Variants in RBM12 observed in about 807,000 individuals in gnomAD.
The protein encoded by RBM12 is RNA binding motif protein 12.
In RBM12, 24 loss-of-function variants were observed where a neutral mutation model predicts 37.2. The ratio of observed to expected loss-of-function variants is 0.65; its 90% CI spans 0.47 to 0.91. RBM12 has a LOEUF of 0.91. Among genes scored for constraint, RBM12 ranks in the 40% least tolerant of loss-of-function variants. RBM12 has a pLI of 0.00. For synonymous variants in RBM12, 420 were observed against 425.2 expected (o/e 0.99, Z 0.15); for missense variants, 1,061 against 1,183.2 (o/e 0.90, Z 1.52).
At position 35,655,079 on chromosome 20, in the gene RBM12, T is replaced by C. The variant is rs1568939650; in HGVS notation, c.244A>G (p.Met82Val). ...LLSSKTEMQN[M>V]IELSRRRFET... ...AAACGCCTACGACTCAGTTCAATCATATTCTGCATTTCCGTCTTACTACTC... is the reference window on the plus strand; with the variant it reads ...AAACGCCTACGACTCAGTTCAATCACATTCTGCATTTCCGTCTTACTACTC... Residue 82 changes from methionine (M) to valine (V), a missense_variant, in exon 3 of 3, where the codon ATG becomes GTG. This residue lies in a region of RBM12 where 540 missense variants were observed against 632.7 expected (regional missense o/e 0.85). Coordinates refer to ENST00000374114, the MANE Select transcript of RBM12 (RefSeq NM_006047.6). The C allele has an allele frequency of 1.9e-6, 3 of 1,614,214 alleles. No homozygotes were observed. The highest frequency in any genetic ancestry group is 2.5e-6 in the Non-Finnish European group (3 of 1,180,050).
Position 35,652,124 on chromosome 20 carries a change from TGA to T in RBM12, c.*398_*399del, listed in dbSNP as rs571353088. On this transcript the variant is annotated 3_prime_UTR_variant, in exon 3 of 3. Transcript: ENST00000374114. ...ATCTGTCCAGCTTTAAACCAAATTCTGAGAGTAGCCAACTTCTATTTTCAGCA... is the reference window on the plus strand; with the variant it reads ...ATCTGTCCAGCTTTAAACCAAATTCTGAGTAGCCAACTTCTATTTTCAGCA... 6.2e-6 allele frequency: 1 copy of T among 160,966 alleles called. No homozygotes were observed. Among genetic ancestry groups the T allele is most frequent in the Non-Finnish European group, 1.4e-5 (1 of 73,774 alleles). 10.0% of individuals were successfully genotyped at this position (160,966 alleles called of 1,614,324 possible). A position where few individuals can be genotyped will look rare whatever the true frequency, so the allele number is the denominator to read the frequency against.
rs1365845597 is a variant in RBM12 at position 35,651,953 on chromosome 20, A to T, written c.*571T>A. 6.6e-6 allele frequency: 1 copy of T among 152,568 alleles called. No homozygotes were observed. The highest frequency in any genetic ancestry group is 1.5e-5 in the Non-Finnish European group (1 of 68,046). The allele number at this position is 152,568 out of a possible 1,614,324, so 9.5% of individuals were successfully genotyped here. A position where few individuals can be genotyped will look rare whatever the true frequency, so the allele number is the denominator to read the frequency against. On this transcript the variant is annotated 3_prime_UTR_variant, in exon 3 of 3. Transcript: ENST00000374114. ...AATGAGTCAATTAGACAAACAAAGC[A>T]GCAACTTCTGAAGCAGGACTGTCTA...
rs772608337 is a variant in RBM12 at position 35,655,016 on chromosome 20, T to C, written c.307A>G (p.Ser103Gly). The change falls in exon 3 of 3, where the codon AGT becomes GGT. Residue 103 changes from serine (S) to glycine (G), a missense_variant. This residue lies in a region of RBM12 where 540 missense variants were observed against 632.7 expected (regional missense o/e 0.85). Transcript: ENST00000374114. ...ANLDIPPANASRSGPPPSSGM... is the reference protein window; with the variant it reads ...ANLDIPPANAGRSGPPPSSGM... ...GAGCTAGGTGGTGGTCCTGATCTAC[T>C]GGCATTTGCTGGTGGTATATCTAAG... is the stretch of plus-strand genomic sequence containing the variant. 6.4e-5 allele frequency: 103 copies of C among 1,614,112 alleles called. No homozygotes were observed. Among genetic ancestry groups the C allele is most frequent in the Non-Finnish European group, 7.9e-5 (93 of 1,180,046 alleles).
chr20:35,655,580 A>C (rs1025532251), intron 2 of RBM12, among the ~76,000 whole-genome samples: 2 of 152,206 alleles, frequency 1.3e-5, no homozygotes, highest in Admixed American at 1.3e-4. Flanking sequence ...CAGTCCCAAG[A>C]CTCAAAAAGT....
chr20:35,664,034 TTAC>T (rs1048385516), intron 1 of RBM12, among the ~76,000 whole-genome samples: 5 of 152,098 alleles, frequency 3.3e-5, no homozygotes, highest in Admixed American at 3.3e-4. Flanking sequence ...GCCTGGCATC[TTAC>T]TACAATTCTC....
At chr20:35,664,692 C>CCCGGG (rs1316094215) in intron 1 of RBM12, 68 bp downstream of exon 1, 5 of 152,526 alleles carry the variant, frequency 3.3e-5, no homozygotes, top group African/African-American at 1.2e-4. Context: ...AAGGCCCCGC[C>CCCGGG]CCGGGCCACC....
chr20:35,654,734 G>T lies in RBM12; in HGVS notation c.589C>A (p.Pro197Thr). The T allele has an allele frequency of 5.0e-6, 8 of 1,613,206 alleles. No homozygotes were observed. The highest frequency in any genetic ancestry group is 6.8e-6 in the Non-Finnish European group (8 of 1,179,148). ...ATGGATGGCATTGGTGGCAGAGATG[G>T]CATCGCTGGAATTGGAGGAATTGGT... ...PPPIPPIPAM[P>T]SLPPMPSIPP... Residue 197 changes from proline (P) to threonine (T), a missense_variant, in exon 3 of 3, where the codon CCA (proline) becomes ACA (threonine). This residue lies in a region of RBM12 where 540 missense variants were observed against 632.7 expected (regional missense o/e 0.85). Transcript: ENST00000374114.
intron 1 of RBM12, 52 bp from the exon 2 acceptor site, chr20:35,659,066 A>C: frequency 2.8e-6 from 2 of 711,682 alleles, no homozygotes; most frequent in East Asian, 2.7e-5. Flanking sequence ...ACACAAAACA[A>C]CACGCACAGG....
In RBM12 at chr20:35,649,498, C is replaced by G. The variant is rs912712495; in HGVS notation, c.*3026G>C. ...GAAATTTTAAATAAAGTTTCCTAAT[C>G]GAATTTTCATTGTTGATGCTTTGAC... On this transcript the variant is annotated 3_prime_UTR_variant, in exon 3 of 3. Coordinates refer to ENST00000374114, the MANE Select transcript of RBM12 (RefSeq NM_006047.6). 6.6e-6 allele frequency: 1 copy of G among 152,550 alleles called. No individual in the cohort carries two copies. Among genetic ancestry groups the G allele is most frequent in the Non-Finnish European group, 1.5e-5 (1 of 68,016 alleles). The allele number at this position is 152,550 out of a possible 1,614,324, so 9.4% of individuals were successfully genotyped here.
intron 1 of RBM12, among the ~76,000 whole-genome samples, chr20:35,661,081 T>C (rs1401533596): frequency 1.3e-5 from 2 of 152,234 alleles, no homozygotes; most frequent in Admixed American, 6.5e-5. Context: ...TAGAAATTTA[T>C]GATTCTCTTC....
intron 1 of RBM12, chr20:35,664,399 G>A (rs1417181347): frequency 1.3e-5 from 2 of 152,268 alleles, no homozygotes; most frequent in African/African-American, 2.4e-5. Context: ...TGCTTCACTG[G>A]GGGAGACAAG....
intron 1 of RBM12, 124 bp from the exon 2 acceptor site, chr20:35,659,138 C>CAAAAAA (rs370328377): frequency 3.9e-6 from 1 of 253,598 alleles, no homozygotes. Context: ...GAATGCATAT[C>CAAAAAA]AAAAAAAAAA....
chr20:35,664,060 G>C (rs73905926), intron 1 of RBM12, among the ~76,000 whole-genome samples: 15,740 of 152,112 alleles, frequency 0.1, 851 homozygotes, highest in South Asian at 0.14. Context: ...AGCCTCAGGA[G>C]GCGTACTCAC....
Position 35,654,427 on chromosome 20 carries a change from A to G in RBM12, c.896T>C (p.Ile299Thr). The change falls in exon 3 of 3, where the codon ATC becomes ACC. Residue 299 changes from isoleucine to threonine, a missense_variant. By Grantham distance (89) the Ile-to-Thr change is moderately conservative (BLOSUM62 -1). This residue lies in a region of RBM12 where 540 missense variants were observed against 632.7 expected (regional missense o/e 0.85). Coordinates refer to ENST00000374114, the MANE Select transcript of RBM12 (RefSeq NM_006047.6). ...NSQSSVKPLP[I>T]NPDDLYVSVH... Reference sequence around the variant, plus strand: ...ACTGACATACAGATCATCAGGGTTGATGGGGAGTGGCTTCACACTGCTCTG... The same window carrying G: ...ACTGACATACAGATCATCAGGGTTGGTGGGGAGTGGCTTCACACTGCTCTG... 1.2e-6 allele frequency: 2 copies of G among 1,614,200 alleles called. No individual in the cohort carries two copies. Among genetic ancestry groups the G allele is most frequent in the Non-Finnish European group, 1.7e-6 (2 of 1,180,028 alleles).
At chr20:35,656,944 G>T (rs1486123970) in intron 2 of RBM12, among the ~76,000 whole-genome samples, 2 of 152,144 alleles carry the variant, frequency 1.3e-5, no homozygotes, top group Non-Finnish European at 2.9e-5. Flanking sequence ...TAAGCTCTAA[G>T]AATTCTGTAA....
At chr20:35,657,163 A>G (rs944256568) in intron 2 of RBM12, among the ~76,000 whole-genome samples, 3 of 152,240 alleles carry the variant, frequency 2.0e-5, no homozygotes, top group Non-Finnish European at 4.4e-5. Context: ...GGCCATTATA[A>G]AGCACTAGAA....
At chr20:35,660,748 G>C (rs910830080) in intron 1 of RBM12, among the ~76,000 whole-genome samples, 5 of 152,148 alleles carry the variant, frequency 3.3e-5, no homozygotes, top group Admixed American at 6.5e-5. Context: ...ATCCCTACTG[G>C]AGATTCCAAT....
At chr20:35,658,594 AC>A (rs1175015464) in intron 2 of RBM12, among the ~76,000 whole-genome samples, 3 of 152,120 alleles carry the variant, frequency 2.0e-5, no homozygotes, top group African/African-American at 7.2e-5. Context: ...CCCCATCTCT[AC>A]TAAAAATACA....
Position 35,654,665 on chromosome 20 carries a change from C to T in RBM12, c.658G>A (p.Val220Met), listed in dbSNP as rs1406697744. Reference sequence around the variant, plus strand: ...GGGGGAATCGGGGGCACAGGAGGCACAGGAGGCAATGTAGGTACTGGAGGA... The same window carrying T: ...GGGGGAATCGGGGGCACAGGAGGCATAGGAGGCAATGTAGGTACTGGAGGA... ...VPPPVPTLPP[V>M]PPVPPIPPVP... The change falls in exon 3 of 3, where the codon GTG becomes ATG. Residue 220 changes from valine (V) to methionine (M), a missense_variant. Physicochemically the swap from Val to Met is conservative, Grantham distance 21. Coordinates refer to ENST00000374114, the MANE Select transcript of RBM12 (RefSeq NM_006047.6). 1.2e-6 allele frequency: 2 copies of T among 1,613,432 alleles called. No individual in the cohort carries two copies. The highest frequency in any genetic ancestry group is 1.1e-5 in the South Asian group (1 of 91,066).
Sources: allele counts gnomAD v4.1 joint callset (sites outside exome capture counted in the v4.1 genomes callset), GRCh38; gene constraint gnomAD v4.1.1; regional missense constraint gnomAD v4.1.1; transcripts MANE v1.5; gene names NCBI Gene and HGNC (gene_info 2026-07-23, HGNC 2026-07-21).